Variants in RAP1GDS1 observed in about 807,000 individuals in gnomAD.
The protein encoded by RAP1GDS1 is RAP1, GTP-GDP dissociation stimulator 1.
A neutral mutation model predicts 71.1 loss-of-function variants in RAP1GDS1; 35 were observed. The ratio of observed to expected loss-of-function variants is 0.49; its 90% CI spans 0.38 to 0.65. The LOEUF (loss-of-function observed/expected upper bound fraction) is 0.65, where lower values mean the gene tolerates loss of function less well. Among genes scored for constraint, RAP1GDS1 ranks in the 30% least tolerant of loss-of-function variants. The pLI is 0.00. For synonymous variants in RAP1GDS1, 229 were observed against 243.1 expected (o/e 0.94, Z 0.54); for missense variants, 663 against 706.1 (o/e 0.94, Z 0.69).
Position 98,421,350 on chromosome 4 carries a change from TCAAA to T in RAP1GDS1, c.1399_1402del (p.Asn467AspfsTer15), listed in dbSNP as rs778765163. The T allele has an allele frequency of 1.2e-6, 2 of 1,608,580 alleles. No homozygotes were observed. Among genetic ancestry groups the T allele is most frequent in the Non-Finnish European group, 1.7e-6 (2 of 1,176,946 alleles). ...AGATCATGCTGGTGTGATGGGGGAG[TCAAA>T]CAGACTGCTGTCTGCCCTTATACGA... is the stretch of plus-strand genomic sequence containing the variant. On this transcript the variant is annotated frameshift_variant, in exon 12 of 15. Transcript: ENST00000408927. LOFTEE classifies it high-confidence loss of function.
At chr4:98,367,912 C>A (rs755005727) in intron 4 of RAP1GDS1, among the ~76,000 whole-genome samples, 10 of 152,032 alleles carry the variant, frequency 6.6e-5, no homozygotes, top group Non-Finnish European at 1.0e-4. Context: ...GGACTGTGGA[C>A]TTTTGAGTTA....
intron 2 of RAP1GDS1, among the ~76,000 whole-genome samples, chr4:98,306,771 G>A (rs1729386397): frequency 6.6e-6 from 1 of 152,116 alleles, no homozygotes; most frequent in Non-Finnish European, 1.5e-5. Flanking sequence ...AAAGGCAAGG[G>A]TAGTATCATG....
Position 98,408,229 on chromosome 4 carries a change from C to T in RAP1GDS1, c.763+3627C>T, listed in dbSNP as rs554243192. 3.2e-4 allele frequency among the ~76,000 whole-genome samples: 48 copies of T among 152,202 alleles called. 1 individual carries two copies. The highest frequency in any genetic ancestry group is 1.1e-3 in the Admixed American group (17 of 15,294). ...GCAGCCTCCATCTCCGAGGTTCAAGCAATTCTCCTGCCTCGGCTTCTCAAG... is the reference window on the plus strand; with the variant it reads ...GCAGCCTCCATCTCCGAGGTTCAAGTAATTCTCCTGCCTCGGCTTCTCAAG... On this transcript the variant is annotated intron_variant, in intron 7 of 14. Coordinates refer to ENST00000408927, the MANE Select transcript of RAP1GDS1 (RefSeq NM_001100427.2).
At chr4:98,372,380 T>A (rs1439649637) in intron 4 of RAP1GDS1, among the ~76,000 whole-genome samples, 1 of 152,196 alleles carries the variant, frequency 6.6e-6, no homozygotes, top group Admixed American at 6.5e-5. Flanking sequence ...TTGGCCAGGC[T>A]GACCTCGAAC....
At position 98,391,941 on chromosome 4, in the gene RAP1GDS1, T is replaced by C. The variant is rs775584778; in HGVS notation, c.509-11T>C. 6 of 1,564,952 alleles carry C rather than the reference T, an allele frequency of 3.8e-6. No homozygotes were observed. Among genetic ancestry groups the C allele is most frequent in the South Asian group, 3.7e-5 (3 of 81,152 alleles). ...TTCTTTTCTGTTGTTGTTTTTTTTT[T>C]GTTTTTACAGATTCGCTTCAAGCTC... On this transcript the variant is annotated splice_polypyrimidine_tract_variant and intron_variant, in intron 5 of 14. Coordinates refer to ENST00000408927, the MANE Select transcript of RAP1GDS1 (RefSeq NM_001100427.2).
chr4:98,275,231 A>G (rs1724038704), intron 1 of RAP1GDS1, among the ~76,000 whole-genome samples: 1 of 152,162 alleles, frequency 6.6e-6, no homozygotes, highest in Non-Finnish European at 1.5e-5. Flanking sequence ...TACTACTTTA[A>G]ATGCCTTAAA....
At chr4:98,319,555 C>G (rs1731464463) in intron 2 of RAP1GDS1, among the ~76,000 whole-genome samples, 1 of 151,768 alleles carries the variant, frequency 6.6e-6, no homozygotes, top group African/African-American at 2.4e-5. Context: ...CCGGGGTGAG[C>G]AGATCACTTG....
At chr4:98,362,307 G>T (rs1007932187) in intron 4 of RAP1GDS1, among the ~76,000 whole-genome samples, 1 of 152,012 alleles carries the variant, frequency 6.6e-6, no homozygotes, top group African/African-American at 2.4e-5. Flanking sequence ...TAGCAAGATC[G>T]CATCTCTACA....
In RAP1GDS1 at chr4:98,442,464, G is replaced by A. The variant is rs927039442; in HGVS notation, c.*347G>A. 8.5e-6 allele frequency: 2 copies of A among 236,340 alleles called. No homozygotes were observed. Among genetic ancestry groups the A allele is most frequent in the East Asian group, 1.2e-4 (2 of 16,354 alleles). 14.6% of individuals were successfully genotyped at this position (236,340 alleles called of 1,614,324 possible). A position where few individuals can be genotyped will look rare whatever the true frequency, so the allele number is the denominator to read the frequency against. On this transcript the variant is annotated 3_prime_UTR_variant, in exon 15 of 15. Transcript: ENST00000408927. Reference sequence around the variant, plus strand: ...CAGTAAACTACATAATGATGTACTGGTAAACTAGAAACAAAGAATGCAGCA... The same window carrying A: ...CAGTAAACTACATAATGATGTACTGATAAACTAGAAACAAAGAATGCAGCA...
At chr4:98,331,885 T>A (rs1476652579) in intron 2 of RAP1GDS1, among the ~76,000 whole-genome samples, 1 of 152,184 alleles carries the variant, frequency 6.6e-6, no homozygotes, top group Non-Finnish European at 1.5e-5. Flanking sequence ...ATCAGTCTTT[T>A]TTATTATTAT....
intron 4 of RAP1GDS1, among the ~76,000 whole-genome samples, chr4:98,377,808 A>C (rs1421018638): frequency 6.6e-6 from 1 of 151,702 alleles, no homozygotes; most frequent in Non-Finnish European, 1.5e-5. Context: ...TGAGTCATTT[A>C]TTTTGCTGAT....
chr4:98,332,880 A>G (rs1021291088), intron 2 of RAP1GDS1, among the ~76,000 whole-genome samples: 4 of 152,144 alleles, frequency 2.6e-5, no homozygotes, highest in African/African-American at 4.8e-5. Context: ...ATTCCCTTCT[A>G]ATTATAGCCA....
chr4:98,342,247 G>T (rs186036619), intron 2 of RAP1GDS1, among the ~76,000 whole-genome samples: 41 of 152,116 alleles, frequency 2.7e-4, no homozygotes, highest in Admixed American at 7.9e-4. Flanking sequence ...AATTTTTAGG[G>T]TTCTCTATTA....
Position 98,420,091 on chromosome 4 carries a change from C to G in RAP1GDS1, c.1247C>G (p.Pro416Arg), listed in dbSNP as rs1748597572. ...TTGAAATTTCTTAAATCTGAAATGCCTCCTGTTCAGTTCAAACTTCTGGGA... is the reference window on the plus strand; with the variant it reads ...TTGAAATTTCTTAAATCTGAAATGCGTCCTGTTCAGTTCAAACTTCTGGGA... The part of the protein sequence containing the change: ...AVLKFLKSEM[P>R]PVQFKLLGTL... The change falls in exon 11 of 15, where the codon CCT (proline) becomes CGT (arginine). Residue 416 changes from proline to arginine, a missense_variant. Pro to Arg is a moderately radical substitution (Grantham distance 103, BLOSUM62 -2). Coordinates refer to ENST00000408927, the MANE Select transcript of RAP1GDS1 (RefSeq NM_001100427.2). 1 of 1,603,386 alleles carries G rather than the reference C, an allele frequency of 6.2e-7. No homozygotes were observed. The highest frequency in any genetic ancestry group is 1.1e-5 in the South Asian group (1 of 89,200).
chr4:98,360,888 A>T (rs1485237932), intron 4 of RAP1GDS1, among the ~76,000 whole-genome samples: 1 of 152,060 alleles, frequency 6.6e-6, no homozygotes, highest in African/African-American at 2.4e-5. Context: ...TCTGGTCAAC[A>T]TGGTGAAACC....
chr4:98,365,093 C>G (rs1739284035), intron 4 of RAP1GDS1, among the ~76,000 whole-genome samples: 1 of 152,096 alleles, frequency 6.6e-6, no homozygotes, highest in Non-Finnish European at 1.5e-5. Flanking sequence ...GACATTTTCT[C>G]TGTAGAGAAG....
At chr4:98,381,755 G>T (rs1347226201) in intron 5 of RAP1GDS1, among the ~76,000 whole-genome samples, 1 of 151,380 alleles carries the variant, frequency 6.6e-6, no homozygotes, top group Admixed American at 6.6e-5. Flanking sequence ...AACTGCCTTG[G>T]ACCCAATAAC....
intron 4 of RAP1GDS1, among the ~76,000 whole-genome samples, chr4:98,374,040 G>A (rs1266475044): frequency 6.6e-6 from 1 of 152,020 alleles, no homozygotes; most frequent in Non-Finnish European, 1.5e-5. Context: ...TTTATTTCTG[G>A]AATTTTTTTT....
chr4:98,401,382 G>GAGA (rs1745384716), intron 6 of RAP1GDS1, among the ~76,000 whole-genome samples: 1 of 152,164 alleles, frequency 6.6e-6, no homozygotes, highest in Admixed American at 6.5e-5. Context: ...AAAGATGATG[G>GAGA]AGAGTATGGT....
Sources: allele counts gnomAD v4.1 joint callset (sites outside exome capture counted in the v4.1 genomes callset), GRCh38; gene constraint gnomAD v4.1.1; transcripts MANE v1.5; gene names NCBI Gene and HGNC (gene_info 2026-07-23, HGNC 2026-07-21).